NRXN2: variants seen among roughly 807,000 people sequenced by gnomAD.
The protein encoded by NRXN2 is neurexin 2, also known as neurexin-2-beta.
Under a neutral mutation model 128.8 loss-of-function variants are expected in NRXN2, and 29 were observed. The observed-to-expected ratio is 0.23, with a 90% CI of 0.17 to 0.31. NRXN2 has a LOEUF of 0.31. Among genes scored for constraint, NRXN2 ranks in the 10% least tolerant of loss-of-function variants. The probability of loss-of-function intolerance (pLI) is 1.00; values close to 1 mark genes in which losing one functional copy is unlikely to be tolerated. For synonymous variants in NRXN2, 1,098 were observed against 1,075.2 expected (o/e 1.02, Z -0.41); for missense variants, 1,881 against 2,452.6 (o/e 0.77, Z 4.92).
Position 64,685,739 on chromosome 11 carries a change from G to A in NRXN2, c.1059C>T (p.Gly353=), listed in dbSNP as rs768093459. The stretch of plus-strand genomic sequence containing the variant: ...CCACAAGGGCCTCGAAGGCACCTGA[G>A]CCTAGGTTGATGACCAGCCAGACAG... ...SGAVWLVINL[G]SGAFEALVEP... Residue 353 remains glycine, a synonymous_variant, in exon 6 of 23, where the codon GGC becomes GGT. Transcript: ENST00000265459. 3 of 1,614,256 alleles carry A rather than the reference G, an allele frequency of 1.9e-6. No homozygotes were observed. The highest frequency in any genetic ancestry group is 1.7e-6 in the Non-Finnish European group (2 of 1,180,056).
At chr11:64,675,276 T>A (rs1592026112) in intron 7 of NRXN2, 1 of 152,148 alleles carries the variant, frequency 6.6e-6, no homozygotes, top group Admixed American at 6.5e-5. Flanking sequence ...CCACCTGAGG[T>A]CTTAAATTGG....
In NRXN2 at chr11:64,713,483, C is replaced by A; in HGVS notation, c.217G>T (p.Gly73Cys). 6.5e-7 allele frequency: 1 copy of A among 1,533,450 alleles called. No homozygotes were observed. The highest frequency in any genetic ancestry group is 1.9e-5 in the Admixed American group (1 of 51,852). The allele number at this position is 1,533,450 out of a possible 1,614,324, so 95.0% of individuals were successfully genotyped here. A position where few individuals can be genotyped will look rare whatever the true frequency, so the allele number is the denominator to read the frequency against. Residue 73 changes from glycine (G) to cysteine (C), a missense_variant, in exon 2 of 23, where the codon GGC becomes TGC. By Grantham distance (159) the Gly-to-Cys change is radical. Around this residue, in one of 7 missense-constraint regions of NRXN2, gnomAD observed 997 missense variants for 1,240.8 expected, o/e 0.80. Transcript: ENST00000265459. ...RALLLYLDDG[G>C]DCDFLELLLV... ...AGCAGCTCCAGGAAGTCGCAGTCGC[C>A]GCCGTCGTCCAGGTAGAGCAGCAGC...
intron 2 of NRXN2, among the ~76,000 whole-genome samples, chr11:64,704,623 C>CACAGAGAGAGAGAGAGAGAGAG (rs1336665936): frequency 3.7e-5 from 3 of 81,204 alleles, no homozygotes; most frequent in East Asian, 3.6e-4. Flanking sequence ...CACACACACA[C>CACAGAGAGAGAGAGAGAGAGAG]AGAGAGAGAG....
At chr11:64,681,046 G>C (rs997977685) in intron 6 of NRXN2, among the ~76,000 whole-genome samples, 1 of 148,064 alleles carries the variant, frequency 6.8e-6, no homozygotes, top group Non-Finnish European at 1.5e-5. Context: ...GCAGTGAGCT[G>C]AGACTGCGCC....
In NRXN2 at chr11:64,650,563, G is replaced by A; in HGVS notation, c.2994C>T (p.Asp998=). ...MKGNSDKPVN[D]NQWHNVVVSR... ...ACACCACCACGTTGTGCCACTGGTT[G>A]TCATTGACTGGTTTGTCTGAGTTCC... The change falls in exon 15 of 23, where the codon GAC becomes GAT. Residue 998 remains aspartate (D), a synonymous_variant. Transcript: ENST00000265459. 6.2e-7 allele frequency: 1 copy of A among 1,614,218 alleles called. No individual in the cohort carries two copies.
chr11:64,653,706 G>T lies in NRXN2; in HGVS notation c.2406C>A (p.Gly802=). The T allele has an allele frequency of 6.3e-7, 1 of 1,596,502 alleles. No individual in the cohort carries two copies. Among genetic ancestry groups the T allele is most frequent in the East Asian group, 2.3e-5 (1 of 44,312 alleles). ...AGGGAAGCCACTTACTGGGTGCGCA[G>T]CCGACGCGCAGGCAGTCTGGGGGGG... is the stretch of plus-strand genomic sequence containing the variant. The part of the protein sequence containing the change: ...LTVNLDCLRV[G]CAPSKGPETL... The change falls in exon 12 of 23, where the codon GGC becomes GGA. Residue 802 remains glycine (G), a synonymous_variant. Coordinates refer to ENST00000265459, the MANE Select transcript of NRXN2 (RefSeq NM_015080.4).
Position 64,648,463 on chromosome 11 carries a change from A to G in NRXN2, c.3284-125T>C. 1 of 1,474,840 alleles carries G rather than the reference A, an allele frequency of 6.8e-7. No homozygotes were observed. Among genetic ancestry groups the G allele is most frequent in the Non-Finnish European group, 9.4e-7 (1 of 1,067,314 alleles). 91.4% of individuals were successfully genotyped at this position (1,474,840 alleles called of 1,614,324 possible). A position where few individuals can be genotyped will look rare whatever the true frequency, so the allele number is the denominator to read the frequency against. ...TGAGCTCTGCCTGGCTGAAAGGGCC[A>G]AGTACTGATGACAGGGATTGGGGCA... On this transcript the variant is annotated intron_variant, in intron 16 of 22. Transcript: ENST00000265459. This position sits in a 1 kb window ranked among gnomAD's most constrained non-coding sequence, Gnocchi z 4.1.
At chr11:64,719,084 G>A (rs1299604361) in intron 1 of NRXN2, among the ~76,000 whole-genome samples, 2 of 152,134 alleles carry the variant, frequency 1.3e-5, no homozygotes, top group East Asian at 1.9e-4. Flanking sequence ...CTAGTACACT[G>A]CCTGGCATAG....
rs1278953936 is a variant in NRXN2 at position 64,631,568 on chromosome 11, C to G, written c.3586-995G>C. On this transcript the variant is annotated intron_variant, in intron 18 of 22. Coordinates refer to ENST00000265459, the MANE Select transcript of NRXN2 (RefSeq NM_015080.4). This position sits in a 1 kb window ranked among gnomAD's most constrained non-coding sequence, Gnocchi z 4.8. ...ACCAACCCGCTGAAGAAGCTCATAG[C>G]TCCCCATTTCATCAAGAAAGAGACT... 2.6e-5 allele frequency among the ~76,000 whole-genome samples: 4 copies of G among 152,114 alleles called. No individual in the cohort carries two copies. The highest frequency in any genetic ancestry group is 9.7e-5 in the African/African-American group (4 of 41,392).
intron 12 of NRXN2, among the ~76,000 whole-genome samples, chr11:64,652,774 T>C (rs1198586988): frequency 6.6e-6 from 1 of 152,066 alleles, no homozygotes; most frequent in Non-Finnish European, 1.5e-5. Context: ...TGCCCATAAA[T>C]ATGCAGGATG....
chr11:64,713,612 C>G lies in NRXN2; in HGVS notation c.88G>C (p.Glu30Gln). 7.9e-7 allele frequency: 1 copy of G among 1,273,478 alleles called. No individual in the cohort carries two copies. Among genetic ancestry groups the G allele is most frequent in the Admixed American group, 3.4e-5 (1 of 29,714 alleles). 78.9% of individuals were successfully genotyped at this position (1,273,478 alleles called of 1,614,324 possible). The change falls in exon 2 of 23, where the codon GAG becomes CAG. Residue 30 changes from glutamate to glutamine, a missense_variant. Glu to Gln is a conservative substitution (Grantham distance 29, BLOSUM62 2). Coordinates refer to ENST00000265459, the MANE Select transcript of NRXN2 (RefSeq NM_015080.4). ...CACTGCCCGGGGCCGCCGCCGAACT[C>G]CAGGCCGTCCGCGCGCGCCGCCAGC... is the stretch of plus-strand genomic sequence containing the variant. ...LALAARADGLEFGGGPGQWAR... is the reference protein window; with the variant it reads ...LALAARADGLQFGGGPGQWAR...
chr11:64,706,904 C>T (rs2056391424), intron 2 of NRXN2, among the ~76,000 whole-genome samples: 1 of 151,906 alleles, frequency 6.6e-6, no homozygotes, highest in South Asian at 2.1e-4. Context: ...ACAGCAGATG[C>T]TAATTTAATT....
chr11:64,680,136 A>G (rs540801344), intron 6 of NRXN2, among the ~76,000 whole-genome samples: 2 of 152,322 alleles, frequency 1.3e-5, no homozygotes, highest in South Asian at 4.1e-4. Context: ...TGACTCAAAC[A>G]CCAACTGTAG....
intron 17 of NRXN2, chr11:64,642,888 C>T: frequency 1.9e-6 from 2 of 1,032,134 alleles, no homozygotes; most frequent in Non-Finnish European, 2.3e-6. Flanking sequence ...CCCCCTCCGG[C>T]TCCGAGCTCC....
At chr11:64,703,985 C>G (rs756448141) in intron 2 of NRXN2, among the ~76,000 whole-genome samples, 3 of 152,226 alleles carry the variant, frequency 2.0e-5, no homozygotes, top group Non-Finnish European at 4.4e-5. Flanking sequence ...AGCCTATGCT[C>G]TTACCCATTT....
chr11:64,668,028 A>ACT (rs2050125241), intron 8 of NRXN2, among the ~76,000 whole-genome samples: 1 of 152,124 alleles, frequency 6.6e-6, no homozygotes, highest in African/African-American at 2.4e-5. Flanking sequence ...GTTCACTTAC[A>ACT]CTCTCATGTG....
At chr11:64,652,783 T>C (rs1053432354) in intron 12 of NRXN2, among the ~76,000 whole-genome samples, 1 of 152,166 alleles carries the variant, frequency 6.6e-6, no homozygotes, top group Non-Finnish European at 1.5e-5. Flanking sequence ...ATATGCAGGA[T>C]GGCCAGAGAG....
rs531186805 is a variant in NRXN2, at chr11:64,628,803, G to GA, written c.3757+1598dup. On this transcript the variant is annotated intron_variant, in intron 19 of 22. Transcript: ENST00000265459. ...TGTTGGCTTGTTGGGGGGCGTGGGG[G>GA]ATAGGTGGAATTTAGTGTAGGAGGG... 4.3e-4 allele frequency among the ~76,000 whole-genome samples: 66 copies of GA among 152,340 alleles called. No individual in the cohort carries two copies. In the East Asian group the frequency reaches 7.1e-3, roughly 16 times the overall value.
intron 1 of NRXN2, among the ~76,000 whole-genome samples, chr11:64,716,933 C>T (rs920898930): frequency 2.6e-5 from 4 of 152,112 alleles, no homozygotes; most frequent in Non-Finnish European, 4.4e-5. Flanking sequence ...CCTCGCCTTT[C>T]CCCTCCCTGC....
Sources: allele counts gnomAD v4.1 joint callset (sites outside exome capture counted in the v4.1 genomes callset), GRCh38; gene constraint gnomAD v4.1.1; regional missense constraint gnomAD v4.1.1; non-coding constraint Gnocchi (gnomAD v3.1); transcripts MANE v1.5; gene names NCBI Gene and HGNC (gene_info 2026-07-23, HGNC 2026-07-21).